SMC6: variants seen among roughly 807,000 people sequenced by gnomAD.
SMC6 encodes structural maintenance of chromosomes protein 6.
SMC6 carries 79 observed loss-of-function variants against 142.2 expected under a neutral mutation model. The ratio of observed to expected loss-of-function variants is 0.56; its 90% CI spans 0.46 to 0.67. The LOEUF (loss-of-function observed/expected upper bound fraction) is 0.67. Ranked by LOEUF, SMC6 falls within the 30% of genes least tolerant of loss-of-function variation. The probability of loss-of-function intolerance (pLI) is 0.00; values close to 1 mark genes in which losing one functional copy is unlikely to be tolerated. For synonymous variants in SMC6, 411 were observed against 412.4 expected, an observed-to-expected ratio of 1.00 and a Z score of 0.04; for missense variants, 1,072 against 1,284.0, an observed-to-expected ratio of 0.83 and a Z score of 2.52.
In SMC6 at chr2:17,726,052, C is replaced by CA. The variant is rs960494308; in HGVS notation, c.624+336dup. ...GCAGTGAGCCGAGATTGCACCACTG[C>CA]ACTCTATCCTGGAAGACAGAGCAAG... is the stretch of plus-strand genomic sequence containing the variant. On this transcript the variant is annotated intron_variant, in intron 8 of 27. Transcript: ENST00000448223. 5.8e-4 allele frequency among the ~76,000 whole-genome samples: 72 copies of CA among 123,382 alleles called. 1 individual carries two copies. The highest frequency in any genetic ancestry group is 2.2e-3 in the African/African-American group (68 of 31,262). The allele number at this position is 123,382 out of a possible 152,430, so 80.9% of individuals were successfully genotyped here.
chr2:17,673,850 T>C (rs756265688), intron 25 of SMC6, among the ~76,000 whole-genome samples: 23 of 152,188 alleles, frequency 1.5e-4, no homozygotes, highest in Non-Finnish European at 2.6e-4. Context: ...ATTATAGGCA[T>C]GAGCCACCAC....
At chr2:17,733,998 C>T (rs956643190) in intron 5 of SMC6, among the ~76,000 whole-genome samples, 3 of 152,130 alleles carry the variant, frequency 2.0e-5, no homozygotes, top group Non-Finnish European at 4.4e-5. Context: ...CTTACCTGTA[C>T]ACTTTTCACA....
chr2:17,741,896 T>C (rs1249917656), intron 3 of SMC6, among the ~76,000 whole-genome samples, 167 bp from the exon 4 acceptor site: 1 of 152,248 alleles, frequency 6.6e-6, no homozygotes, highest in African/African-American at 2.4e-5. Context: ...GGGAACCTTC[T>C]ATGAGTCAGT....
intron 9 of SMC6, among the ~76,000 whole-genome samples, chr2:17,724,950 C>G (rs944937220): frequency 2.0e-5 from 3 of 152,122 alleles, no homozygotes; most frequent in African/African-American, 7.2e-5. Flanking sequence ...CTTAAACTAC[C>G]ATACCTTATT....
chr2:17,747,507 C>T (rs202014609), intron 2 of SMC6, among the ~76,000 whole-genome samples: 5 of 106,028 alleles, frequency 4.7e-5, no homozygotes, highest in Middle Eastern at 4.6e-3. Context: ...CTTTTTCTTT[C>T]TTTTTTTTTT....
intron 23 of SMC6, among the ~76,000 whole-genome samples, chr2:17,692,690 C>A (rs1572275142): frequency 6.6e-6 from 1 of 152,084 alleles, no homozygotes; most frequent in South Asian, 2.1e-4. Flanking sequence ...GCAACAAAAG[C>A]CAAAATTCAC....
intron 25 of SMC6, among the ~76,000 whole-genome samples, chr2:17,676,109 T>C (rs993061633): frequency 4.6e-5 from 7 of 152,174 alleles, no homozygotes; most frequent in African/African-American, 1.4e-4. Context: ...TCTTCTGTTG[T>C]GTCCAGTTGG....
At chr2:17,723,081 G>C (rs989972701) in intron 9 of SMC6, among the ~76,000 whole-genome samples, 1 of 150,986 alleles carries the variant, frequency 6.6e-6, no homozygotes, top group Non-Finnish European at 1.5e-5. Context: ...TAAACTTACT[G>C]TACTACTAAA....
At chr2:17,689,170 T>G (rs1440141214) in intron 23 of SMC6, among the ~76,000 whole-genome samples, 1 of 152,206 alleles carries the variant, frequency 6.6e-6, no homozygotes, top group Non-Finnish European at 1.5e-5. Context: ...AGACAGATTA[T>G]GTGCCTCTGG....
At chr2:17,667,476 G>A (rs1206219901) in intron 26 of SMC6, among the ~76,000 whole-genome samples, 1 of 152,192 alleles carries the variant, frequency 6.6e-6, no homozygotes, top group African/African-American at 2.4e-5. Flanking sequence ...AAATCAAAGT[G>A]TTCCTCAATT....
intron 23 of SMC6, among the ~76,000 whole-genome samples, chr2:17,692,110 C>G (rs1051458233): frequency 2.0e-5 from 3 of 152,246 alleles, no homozygotes; most frequent in Admixed American, 6.5e-5. Flanking sequence ...GAATCAATAT[C>G]GTGAAAATGG....
At chr2:17,745,994 A>G (rs774258024) in intron 2 of SMC6, 43 bp from the exon 3 acceptor site, 4 of 1,515,776 alleles carry the variant, frequency 2.6e-6, no homozygotes, top group South Asian at 1.3e-5. Flanking sequence ...ATCAAGTTCC[A>G]TATATATTAA....
At chr2:17,712,486 A>T (rs998913160) in intron 16 of SMC6, among the ~76,000 whole-genome samples, 1 of 152,184 alleles carries the variant, frequency 6.6e-6, no homozygotes, top group Non-Finnish European at 1.5e-5. Context: ...TAATAGCAGG[A>T]GTAGTAGTTT....
At chr2:17,730,466 C>A (rs936732889) in intron 7 of SMC6, among the ~76,000 whole-genome samples, 9 of 150,716 alleles carry the variant, frequency 6.0e-5, no homozygotes, top group Non-Finnish European at 1.2e-4. Flanking sequence ...ACTAGGACAG[C>A]AAAAAGCAAA....
intron 23 of SMC6, 67 bp from the exon 24 acceptor site, chr2:17,683,830 A>C: frequency 2.2e-4 from 305 of 1,412,098 alleles, no homozygotes; most frequent in Non-Finnish European, 2.7e-4. Context: ...GTAGAATCTC[A>C]AACAGATTTA....
In SMC6 at chr2:17,678,262, G is replaced by A. The variant is rs180827684; in HGVS notation, c.2910+597C>T. On this transcript the variant is annotated intron_variant, in intron 25 of 27. Coordinates refer to ENST00000448223, the MANE Select transcript of SMC6 (RefSeq NM_001142286.2). ...AAAATGCTGTGTAAATTTTAAAAGG[G>A]AACTAGTGGAGTAGAAAGACAAGGT... Among the ~76,000 whole-genome samples, 23 of 152,152 alleles carry A rather than the reference G, an allele frequency of 1.5e-4. No homozygotes were observed. The East Asian group carries it at 4.2e-3, about 28-fold the overall frequency.
At chr2:17,720,147 T>C (rs1473968716) in intron 11 of SMC6, among the ~76,000 whole-genome samples, 2 of 152,198 alleles carry the variant, frequency 1.3e-5, no homozygotes, top group Non-Finnish European at 2.9e-5. Context: ...CAGTGAATTA[T>C]ACACTTTAAA....
chr2:17,689,855 A>C (rs116764385), intron 23 of SMC6, among the ~76,000 whole-genome samples: 2,447 of 152,268 alleles, frequency 0.016, 30 homozygotes, highest in Non-Finnish European at 0.025. Context: ...AATTTGTATT[A>C]GTTTTTACTA....
At chr2:17,673,601 C>A in intron 25 of SMC6, among the ~76,000 whole-genome samples, 1 of 149,206 alleles carries the variant, frequency 6.7e-6, no homozygotes, top group African/African-American at 2.5e-5. Context: ...CAGAGTTTCG[C>A]TCTTATTGCC....
Sources: allele counts gnomAD v4.1 joint callset (sites outside exome capture counted in the v4.1 genomes callset), GRCh38; gene constraint gnomAD v4.1.1; transcripts MANE v1.5; gene names NCBI Gene and HGNC (gene_info 2026-07-23, HGNC 2026-07-21).